The following PHF20 variants were observed in gnomAD, a reference collection of about 807,000 sequenced individuals.
PHF20 encodes the protein PHD finger protein 20.
In PHF20, 23 loss-of-function variants were observed where a neutral mutation model predicts 113.5. The observed-to-expected ratio is 0.20, with a 90% CI of 0.15 to 0.29. The LOEUF (loss-of-function observed/expected upper bound fraction) is 0.29. Among genes scored for constraint, PHF20 ranks in the 10% least tolerant of loss-of-function variants. The probability of loss-of-function intolerance (pLI) is 1.00; values close to 1 mark genes in which losing one functional copy is unlikely to be tolerated. For synonymous variants in PHF20, 434 were observed against 457.3 expected, an observed-to-expected ratio of 0.95 and a Z score of 0.65; for missense variants, 943 against 1,219.6, an observed-to-expected ratio of 0.77 and a Z score of 3.38.
At chr20:35,789,946 C>G (rs556091557) in intron 1 of PHF20, among the ~76,000 whole-genome samples, 1 of 150,896 alleles carries the variant, frequency 6.6e-6, no homozygotes, top group South Asian at 2.1e-4. Flanking sequence ...CCTCCGCCTC[C>G]CGGGTTCAGG....
intron 13 of PHF20, among the ~76,000 whole-genome samples, chr20:35,920,755 C>T (rs1240534991): frequency 6.6e-6 from 1 of 152,204 alleles, no homozygotes; most frequent in Non-Finnish European, 1.5e-5. Flanking sequence ...CACATACATA[C>T]CCACACTTTA....
At chr20:35,847,043 G>A (rs918038240) in intron 3 of PHF20, among the ~76,000 whole-genome samples, 1 of 152,150 alleles carries the variant, frequency 6.6e-6, no homozygotes, top group African/African-American at 2.4e-5. Context: ...AGAGCGAGAA[G>A]TCACTCCTGT....
At chr20:35,934,215 C>T (rs2055820193) in intron 15 of PHF20, among the ~76,000 whole-genome samples, 1 of 152,170 alleles carries the variant, frequency 6.6e-6, no homozygotes, top group South Asian at 2.1e-4. Flanking sequence ...TCTGCTTCCT[C>T]TTGTGCTCTC....
At chr20:35,935,176 C>T (rs150852176) in intron 15 of PHF20, among the ~76,000 whole-genome samples, 32 of 151,984 alleles carry the variant, frequency 2.1e-4, no homozygotes, top group African/African-American at 6.3e-4. Context: ...ATTTTCTTCT[C>T]GACAGTCTTA....
At chr20:35,890,220 G>A (rs1401036279) in intron 9 of PHF20, among the ~76,000 whole-genome samples, 2 of 151,066 alleles carry the variant, frequency 1.3e-5, no homozygotes, top group East Asian at 3.9e-4. Flanking sequence ...GTAGAGATGG[G>A]GGTCTCACTA....
chr20:35,937,839 G>T (rs2055894438), intron 15 of PHF20, among the ~76,000 whole-genome samples: 1 of 152,078 alleles, frequency 6.6e-6, no homozygotes, highest in Non-Finnish European at 1.5e-5. Flanking sequence ...CAGTCTGAGG[G>T]TCTCTATTTT....
chr20:35,818,801 T>C (rs1376051640), intron 2 of PHF20, among the ~76,000 whole-genome samples: 1 of 152,024 alleles, frequency 6.6e-6, no homozygotes, highest in East Asian at 1.9e-4. Context: ...CCTCCCAAAG[T>C]GTTGGGATTA....
intron 17 of PHF20, among the ~76,000 whole-genome samples, chr20:35,946,035 G>A (rs1175621903): frequency 6.6e-6 from 1 of 152,052 alleles, no homozygotes; most frequent in Non-Finnish European, 1.5e-5. Flanking sequence ...GCCAGGCGTG[G>A]TGGTGTGTGC....
intron 4 of PHF20, among the ~76,000 whole-genome samples, chr20:35,857,284 A>G (rs1478747534): frequency 6.6e-6 from 1 of 152,094 alleles, no homozygotes; most frequent in Non-Finnish European, 1.5e-5. Flanking sequence ...ACTAATGAGA[A>G]CTTCTGTAGT....
At chr20:35,857,809 C>T (rs2042865573) in intron 4 of PHF20, among the ~76,000 whole-genome samples, 1 of 152,082 alleles carries the variant, frequency 6.6e-6, no homozygotes, top group Admixed American at 6.5e-5. Flanking sequence ...TGGTCTCGAA[C>T]TCCTGACCTT....
intron 4 of PHF20, among the ~76,000 whole-genome samples, chr20:35,850,303 T>G (rs1023307952): frequency 6.7e-5 from 7 of 104,846 alleles, no homozygotes; most frequent in South Asian, 4.8e-4. Flanking sequence ...TCCGTTTTTT[T>G]TTTTTTTTTT....
At chr20:35,885,641 C>T (rs999171674) in intron 9 of PHF20, among the ~76,000 whole-genome samples, 4 of 151,844 alleles carry the variant, frequency 2.6e-5, no homozygotes, top group Admixed American at 6.6e-5. Flanking sequence ...AGAAATACCA[C>T]GTAAGTGATG....
chr20:35,849,954 A>T (rs542875130), intron 4 of PHF20, among the ~76,000 whole-genome samples: 1 of 152,288 alleles, frequency 6.6e-6, no homozygotes, highest in East Asian at 1.9e-4. Context: ...CTGTAGCCAG[A>T]GTGTGGAAGT....
intron 1 of PHF20, among the ~76,000 whole-genome samples, chr20:35,798,953 T>C (rs1165327168): frequency 6.6e-6 from 1 of 152,134 alleles, no homozygotes; most frequent in East Asian, 1.9e-4. Context: ...GTGAGCTCCA[T>C]GTGGTACAAT....
At chr20:35,849,557 A>G (rs2042682420) in intron 4 of PHF20, 2 of 468,266 alleles carry the variant, frequency 4.3e-6, no homozygotes, top group Non-Finnish European at 8.8e-6. Context: ...TAATGATTTC[A>G]AAAATGATTA....
intron 2 of PHF20, among the ~76,000 whole-genome samples, chr20:35,809,485 A>G (rs1487921824): frequency 6.6e-6 from 1 of 151,804 alleles, no homozygotes; most frequent in African/African-American, 2.4e-5. Context: ...AGGCTGAGGC[A>G]GGAGAATCGT....
At position 35,868,233 on chromosome 20, in the gene PHF20, C is replaced by T. The variant is rs111587364; in HGVS notation, c.809-1205C>T. 2.4e-3 allele frequency among the ~76,000 whole-genome samples: 367 copies of T among 151,880 alleles called. 4 individuals are homozygous for T. Among genetic ancestry groups the T allele is most frequent in the Non-Finnish European group, 4.3e-3 (290 of 67,960 alleles). On this transcript the variant is annotated intron_variant, in intron 6 of 17. Transcript: ENST00000374012. ...ACTTGAACCCGGGAGGCAGAGCTTGCGGTGAGCTGAGATCGCACCATTGCA... is the reference window on the plus strand; with the variant it reads ...ACTTGAACCCGGGAGGCAGAGCTTGTGGTGAGCTGAGATCGCACCATTGCA...
At position 35,772,139 on chromosome 20, in the gene PHF20, C is replaced by T. The variant is rs995588846; in HGVS notation, c.-33+60C>T. On this transcript the variant is annotated intron_variant, in intron 1 of 17. Coordinates refer to ENST00000374012, the MANE Select transcript of PHF20 (RefSeq NM_016436.5). ...GCCGGGTTGGGCCGGGCCCGCGCTG[C>T]GCGCGCGCCGTGCGGGCGGGGACGG... 2.7e-4 allele frequency: 41 copies of T among 149,714 alleles called. 1 individual carries two copies. The Middle Eastern group carries it at 0.017, about 63-fold the overall frequency. 9.3% of individuals were successfully genotyped at this position (149,714 alleles called of 1,614,324 possible). A position where few individuals can be genotyped will look rare whatever the true frequency, so the allele number is the denominator to read the frequency against.
chr20:35,822,248 T>C (rs1025885955), intron 2 of PHF20, among the ~76,000 whole-genome samples: 3 of 151,918 alleles, frequency 2.0e-5, no homozygotes, highest in Admixed American at 6.6e-5. Context: ...AACACATATA[T>C]ACACAAAAAC....
Sources: allele counts gnomAD v4.1 joint callset (sites outside exome capture counted in the v4.1 genomes callset), GRCh38; gene constraint gnomAD v4.1.1; transcripts MANE v1.5; gene names NCBI Gene and HGNC (gene_info 2026-07-23, HGNC 2026-07-21).